The following HDAC9 variants were observed in gnomAD, a reference collection of about 807,000 sequenced individuals.
HDAC9 encodes MEF-2 interacting transcription repressor (MITR) protein.
HDAC9 carries 41 observed loss-of-function variants against 139.4 expected under a neutral mutation model. The observed-to-expected ratio is 0.29, with a 90% confidence interval of 0.23 to 0.38. HDAC9 has a LOEUF of 0.38. Among genes scored for constraint, HDAC9 ranks in the 10% least tolerant of loss-of-function variants. HDAC9 has a pLI of 1.00. For missense variants in HDAC9, 1,147 were observed against 1,297.0 expected (o/e 0.88, Z 1.78); for synonymous variants, 517 against 476.2 (o/e 1.09, Z -1.12).
intron 12 of HDAC9, among the ~76,000 whole-genome samples, chr7:18,721,786 G>A (rs1785165628): frequency 6.6e-6 from 1 of 151,976 alleles, no homozygotes; most frequent in Admixed American, 6.6e-5. Flanking sequence ...TACAAAAAAC[G>A]GAACCATGTA....
upstream of HDAC9, among the ~76,000 whole-genome samples, chr7:18,289,308 G>A (rs1025421985): frequency 6.6e-6 from 1 of 152,044 alleles, no homozygotes; most frequent in Middle Eastern, 3.2e-3. Flanking sequence ...GACTTAGGAG[G>A]TGGAAAATAA....
At chr7:18,575,033 C>A (rs781225636) in intron 2 of HDAC9, among the ~76,000 whole-genome samples, 6 of 152,260 alleles carry the variant, frequency 3.9e-5, no homozygotes, top group Non-Finnish European at 8.8e-5. Flanking sequence ...CCCCCGCCCC[C>A]ACTGCAGCTG....
intron 13 of HDAC9, among the ~76,000 whole-genome samples, chr7:18,730,989 C>G (rs1785993409): frequency 6.6e-6 from 1 of 152,154 alleles, no homozygotes. Flanking sequence ...CAGACAGCTA[C>G]TAAATGACTA....
At chr7:18,556,673 T>C (rs1818923333) in intron 2 of HDAC9, among the ~76,000 whole-genome samples, 1 of 152,038 alleles carries the variant, frequency 6.6e-6, no homozygotes, top group Non-Finnish European at 1.5e-5. Flanking sequence ...AAATTGAATA[T>C]TTTAAAAATT....
chr7:18,748,976 T>C (rs758617742), intron 13 of HDAC9, 29 bp from the exon 14 acceptor site: 4 of 1,608,184 alleles, frequency 2.5e-6, no homozygotes, highest in Non-Finnish European at 1.7e-6. Flanking sequence ...TGTTACTCAA[T>C]CTTGTCCTGT....
In HDAC9 at chr7:18,546,229, G is replaced by C. The variant is rs370038059; in HGVS notation, c.23-39052G>C. On this transcript the variant is annotated intron_variant, in intron 2 of 25. Transcript: ENST00000686413. ...TTTGTTTTTGAAAAAAATCTTTTCAGTGTAAGAATATGATTTCAGAATATA... is the reference window on the plus strand; with the variant it reads ...TTTGTTTTTGAAAAAAATCTTTTCACTGTAAGAATATGATTTCAGAATATA... Among the ~76,000 whole-genome samples the C allele has an allele frequency of 4.6e-5, 7 of 152,280 alleles. No individual in the cohort carries two copies. In the East Asian group the frequency reaches 1.2e-3, roughly 25 times the overall value.
At chr7:18,272,612 A>T (rs1447748438) in intron 2 of HDAC9, among the ~76,000 whole-genome samples, 1 of 152,192 alleles carries the variant, frequency 6.6e-6, no homozygotes, top group African/African-American at 2.4e-5. Flanking sequence ...CTAATCAAAG[A>T]TTCAAAATAT....
At chr7:18,751,867 A>G (rs7798921) in intron 14 of HDAC9, among the ~76,000 whole-genome samples, 2,578 of 152,180 alleles carry the variant, frequency 0.017, 72 homozygotes, top group African/African-American at 0.059. Flanking sequence ...GGGAGTAAAT[A>G]AAAAGGGAAC....
intron 22 of HDAC9, among the ~76,000 whole-genome samples, chr7:18,930,531 C>T (rs1804648141): frequency 6.6e-6 from 1 of 152,164 alleles, no homozygotes; most frequent in Non-Finnish European, 1.5e-5. Flanking sequence ...ATAATACCTT[C>T]ACCTGGGTAG....
At chr7:18,298,323 A>C (rs1798284257) in intron 1 of HDAC9, among the ~76,000 whole-genome samples, 1 of 150,824 alleles carries the variant, frequency 6.6e-6, no homozygotes, top group African/African-American at 2.4e-5. Context: ...TTTAGGGTAC[A>C]TGTGCACATT....
At chr7:18,597,361 T>G (rs1832787109) in intron 6 of HDAC9, among the ~76,000 whole-genome samples, 1 of 152,180 alleles carries the variant, frequency 6.6e-6, no homozygotes, top group Admixed American at 6.6e-5. Flanking sequence ...TTGTAATTAA[T>G]TTTGTTCTAT....
In HDAC9 at chr7:18,996,253, C is replaced by G. The variant is rs528229522; in HGVS notation, c.*191C>G. ...GGACTTGAAAGGGCATTAAAGATTC[C>G]TTAAACGTAACCGCTGTGATTCTAG... is the stretch of plus-strand genomic sequence containing the variant. On this transcript the variant is annotated 3_prime_UTR_variant, in exon 26 of 26. Coordinates refer to ENST00000686413, the MANE Select transcript of HDAC9 (RefSeq NM_178425.4). 10 of 521,574 alleles carry G rather than the reference C, an allele frequency of 1.9e-5. No individual in the cohort carries two copies. In the South Asian group the frequency reaches 2.2e-4, roughly 12 times the overall value. 32.3% of individuals were successfully genotyped at this position (521,574 alleles called of 1,614,324 possible). A position where few individuals can be genotyped will look rare whatever the true frequency, so the allele number is the denominator to read the frequency against.
rs769091094 is a variant in HDAC9, at chr7:18,648,475, C to T, written c.1259C>T (p.Pro420Leu). 4 of 1,610,856 alleles carry T rather than the reference C, an allele frequency of 2.5e-6. No homozygotes were observed. Among genetic ancestry groups the T allele is most frequent in the Non-Finnish European group, 3.4e-6 (4 of 1,179,122 alleles). The part of the protein sequence containing the change: ...QQKLLVAGGV[P>L]LHPQSPLATK... The stretch of plus-strand genomic sequence containing the variant: ...GTATTTTTTTTTTCAGGTGGAGTTC[C>T]CTTACATCCTCAGTCTCCCTTGGCA... Residue 420 changes from proline (P) to leucine (L), a missense_variant, in exon 11 of 26, where the codon CCC (proline) becomes CTC (leucine). By Grantham distance (98) the Pro-to-Leu change is moderately conservative. This residue lies in a region of HDAC9 where 264 missense variants were observed against 273.8 expected (regional missense o/e 0.96). Transcript: ENST00000686413.
intron 11 of HDAC9, among the ~76,000 whole-genome samples, chr7:18,660,418 T>G (rs1792746792): frequency 6.6e-6 from 1 of 152,178 alleles, no homozygotes; most frequent in Non-Finnish European, 1.5e-5. Flanking sequence ...GACATTGACT[T>G]TGTTTTGTAA....
intron 21 of HDAC9, among the ~76,000 whole-genome samples, chr7:18,839,767 A>C (rs1416438158): frequency 6.6e-6 from 1 of 152,062 alleles, no homozygotes; most frequent in Non-Finnish European, 1.5e-5. Context: ...TCTCTGTTTC[A>C]ATCATTTCAA....
At chr7:18,449,969 C>G (rs1374700269) in intron 1 of HDAC9, among the ~76,000 whole-genome samples, 1 of 152,054 alleles carries the variant, frequency 6.6e-6, no homozygotes, top group Non-Finnish European at 1.5e-5. Flanking sequence ...TTTTTCATGA[C>G]ATTAAATATT....
chr7:18,881,929 G>T (rs1335688511), intron 22 of HDAC9, among the ~76,000 whole-genome samples: 1 of 151,994 alleles, frequency 6.6e-6, no homozygotes, highest in Non-Finnish European at 1.5e-5. Context: ...AAACTTGAAG[G>T]GCTTCAGTTC....
chr7:18,164,773 A>G (rs1416217152), intron 2 of HDAC9, among the ~76,000 whole-genome samples: 1 of 152,200 alleles, frequency 6.6e-6, no homozygotes, highest in African/African-American at 2.4e-5. Flanking sequence ...ACTAGTTTTT[A>G]TTTTAATTTT....
chr7:18,304,193 C>G (rs985531698), intron 1 of HDAC9, among the ~76,000 whole-genome samples: 1 of 152,204 alleles, frequency 6.6e-6, no homozygotes, highest in Non-Finnish European at 1.5e-5. Context: ...ATACCAGGGA[C>G]TGTACTAAGT....
Sources: allele counts gnomAD v4.1 joint callset (sites outside exome capture counted in the v4.1 genomes callset), GRCh38; gene constraint gnomAD v4.1.1; regional missense constraint gnomAD v4.1.1; transcripts MANE v1.5; gene names NCBI Gene and HGNC (gene_info 2026-07-23, HGNC 2026-07-21).